Variants in NEK1 observed in about 807,000 individuals in gnomAD.
NEK1 encodes NIMA related kinase 1, also known as serine/threonine-protein kinase Nek1.
NEK1 carries 137 observed loss-of-function variants against 182.1 expected under a neutral mutation model. That is an observed-to-expected ratio of 0.75 (90% confidence interval 0.65 to 0.87). The LOEUF (loss-of-function observed/expected upper bound fraction) is 0.87, where lower values mean the gene tolerates loss of function less well. NEK1 is among the 40% of genes least tolerant of loss of function. The pLI is 0.00. For synonymous variants in NEK1, 513 were observed against 492.2 expected (o/e 1.04, Z -0.56); for missense variants, 1,391 against 1,494.4 (o/e 0.93, Z 1.14).
At chr4:169,426,587 A>G (rs979190427) in intron 29 of NEK1, among the ~76,000 whole-genome samples, 1 of 152,244 alleles carries the variant, frequency 6.6e-6, no homozygotes, top group African/African-American at 2.4e-5. Context: ...GATAACGCCC[A>G]GCAATTAGTT....
chr4:169,455,292 G>A (rs1031662636), intron 27 of NEK1, among the ~76,000 whole-genome samples: 1 of 151,526 alleles, frequency 6.6e-6, no homozygotes, highest in African/African-American at 2.4e-5. Flanking sequence ...AAACCTGCAC[G>A]TTGTGCACAT....
intron 12 of NEK1, among the ~76,000 whole-genome samples, chr4:169,573,537 T>C (rs1018309179): frequency 2.6e-5 from 4 of 152,170 alleles, no homozygotes; most frequent in African/African-American, 9.7e-5. Context: ...TTTTTGGTTA[T>C]TGGTAATAAT....
chr4:169,399,987 T>C (rs928334050), intron 35 of NEK1: 2 of 468,322 alleles, frequency 4.3e-6, no homozygotes, highest in African/African-American at 4.0e-5. Flanking sequence ...AAAAACCTCA[T>C]TCAAAGGTTA....
intron 23 of NEK1, among the ~76,000 whole-genome samples, chr4:169,503,231 CAT>C (rs1295133395): frequency 6.6e-6 from 1 of 152,052 alleles, no homozygotes; most frequent in Admixed American, 6.6e-5. Context: ...TCATAGATGA[CAT>C]AAACAAATGG....
intron 19 of NEK1, among the ~76,000 whole-genome samples, chr4:169,537,461 G>C (rs1292738766): frequency 6.6e-6 from 1 of 151,894 alleles, no homozygotes; most frequent in Non-Finnish European, 1.5e-5. Flanking sequence ...AAAACCAAAA[G>C]CATATTGGGG....
chr4:169,409,485 C>T, intron 31 of NEK1, among the ~76,000 whole-genome samples: 1 of 148,726 alleles, frequency 6.7e-6, no homozygotes, highest in Non-Finnish European at 1.5e-5. Context: ...CCATTCTTGG[C>T]CGGGTGCAGT....
At chr4:169,435,552 T>A (rs1738253475) in intron 28 of NEK1, among the ~76,000 whole-genome samples, 1 of 152,208 alleles carries the variant, frequency 6.6e-6, no homozygotes, top group South Asian at 2.1e-4. Context: ...CCTCTTTAAT[T>A]TCAGCTGGCA....
intron 12 of NEK1, among the ~76,000 whole-genome samples, chr4:169,569,908 C>T (rs1018660280): frequency 6.8e-4 from 104 of 152,152 alleles, no homozygotes; most frequent in African/African-American, 2.2e-3. Flanking sequence ...TCTGCCCAGC[C>T]GCCACCCCGT....
chr4:169,579,790 A>G (rs1355451409), intron 11 of NEK1, among the ~76,000 whole-genome samples: 4 of 151,010 alleles, frequency 2.6e-5, no homozygotes, highest in Non-Finnish European at 5.9e-5. Context: ...TCCATCTCAA[A>G]AAAAAAAAAA....
intron 18 of NEK1, among the ~76,000 whole-genome samples, chr4:169,545,293 A>C (rs1760221190): frequency 6.7e-6 from 1 of 148,320 alleles, no homozygotes; most frequent in African/African-American, 2.5e-5. Context: ...TATGAGTGAG[A>C]ATATGCAGTG....
intron 7 of NEK1, among the ~76,000 whole-genome samples, chr4:169,589,198 A>T (rs1768021407): frequency 1.3e-5 from 2 of 152,172 alleles, no homozygotes; most frequent in Admixed American, 1.3e-4. Flanking sequence ...TAGCCCAGAA[A>T]CAATAGGCTA....
Position 169,585,264 on chromosome 4 carries a change from A to G in NEK1, c.807+85T>C, listed in dbSNP as rs1767343443. ...AAGGCACACCATTCCTCCAAGATCC[A>G]GATGTGTTCTCCTCAACACTGGAGG... On this transcript the variant is annotated intron_variant, in intron 10 of 35. Coordinates refer to ENST00000507142, the MANE Select transcript of NEK1 (RefSeq NM_001199397.3). The G allele has an allele frequency of 3.4e-6, 3 of 881,470 alleles. No individual in the cohort carries two copies. The South Asian group carries it at 5.4e-5, about 16-fold the overall frequency. 54.6% of individuals were successfully genotyped at this position (881,470 alleles called of 1,614,324 possible).
intron 18 of NEK1, among the ~76,000 whole-genome samples, chr4:169,546,595 A>G (rs574508871): frequency 6.6e-6 from 1 of 152,252 alleles, no homozygotes; most frequent in Non-Finnish European, 1.5e-5. Flanking sequence ...GTCTCCCACT[A>G]CTGTGTGGGA....
At chr4:169,562,238 G>T in intron 12 of NEK1, 42 bp from the exon 13 acceptor site, 1 of 1,388,904 alleles carries the variant, frequency 7.2e-7, no homozygotes, top group African/African-American at 1.5e-5. Flanking sequence ...AAGATTTTGA[G>T]GCACTTATTT....
chr4:169,403,464 G>A (rs1488769796), intron 32 of NEK1, among the ~76,000 whole-genome samples: 2 of 152,222 alleles, frequency 1.3e-5, no homozygotes, highest in Admixed American at 6.5e-5. Flanking sequence ...TAGCTACTAG[G>A]GAGTCTGAGG....
In NEK1 at chr4:169,508,834, C is replaced by T. The variant is rs553590303; in HGVS notation, c.1684G>A (p.Ala562Thr). The T allele has an allele frequency of 6.3e-7, 1 of 1,591,314 alleles. No individual in the cohort carries two copies. Among genetic ancestry groups the T allele is most frequent in the South Asian group, 1.1e-5 (1 of 89,134 alleles). Reference protein sequence around the residue: ...EGHMGILQNLAAMYGGRPSSS... With the variant: ...EGHMGILQNLTAMYGGRPSSS... Reference sequence around the variant, plus strand: ...CTGGGCCTGCCTCCATACATAGCTGCCAGGTTTTGCAGGATTCCCTGTTTA... The same window carrying T: ...CTGGGCCTGCCTCCATACATAGCTGTCAGGTTTTGCAGGATTCCCTGTTTA... Residue 562 changes from alanine (A) to threonine (T), a missense_variant, in exon 20 of 36, where the codon GCA (alanine) becomes ACA (threonine). By Grantham distance (58) the Ala-to-Thr change is moderately conservative. Transcript: ENST00000507142.
chr4:169,487,514 T>C (rs1749254818), intron 23 of NEK1, among the ~76,000 whole-genome samples: 1 of 152,260 alleles, frequency 6.6e-6, no homozygotes, highest in East Asian at 1.9e-4. Flanking sequence ...TGTGGCTGCA[T>C]AGTATTCCAT....
At chr4:169,602,200 A>C in intron 3 of NEK1, 96 bp from the exon 4 acceptor site, 1 of 816,912 alleles carries the variant, frequency 1.2e-6, no homozygotes, top group Admixed American at 2.1e-5. Flanking sequence ...AATAGTATTA[A>C]TACAGTTCAA....
intron 19 of NEK1, among the ~76,000 whole-genome samples, chr4:169,524,892 C>T (rs1427003570): frequency 1.3e-5 from 2 of 152,192 alleles, no homozygotes; most frequent in African/African-American, 4.8e-5. Flanking sequence ...TTGTCTACAG[C>T]TGCTTTTGTG....
Sources: allele counts gnomAD v4.1 joint callset (sites outside exome capture counted in the v4.1 genomes callset), GRCh38; gene constraint gnomAD v4.1.1; transcripts MANE v1.5; gene names NCBI Gene and HGNC (gene_info 2026-07-23, HGNC 2026-07-21).